Variants in TMEFF1 observed in about 807,000 individuals in gnomAD.
TMEFF1 encodes the protein transmembrane protein with EGF like and two follistatin like domains 1.
A neutral mutation model predicts 47.5 loss-of-function variants in TMEFF1; 20 were observed. That is an observed-to-expected ratio of 0.42 (90% CI 0.30 to 0.61). The LOEUF (loss-of-function observed/expected upper bound fraction) is 0.61, where lower values mean the gene tolerates loss of function less well. Among genes scored for constraint, TMEFF1 ranks in the 20% least tolerant of loss-of-function variants. The pLI, the probability that TMEFF1 is intolerant of heterozygous loss-of-function variation, is 0.19. For synonymous variants in TMEFF1, 162 were observed against 166.3 expected (o/e 0.97, Z 0.20); for missense variants, 411 against 471.1 (o/e 0.87, Z 1.18).
intron 1 of TMEFF1, among the ~76,000 whole-genome samples, chr9:100,488,472 G>T (rs1837490594): frequency 6.6e-6 from 1 of 152,132 alleles, no homozygotes; most frequent in African/African-American, 2.4e-5. Flanking sequence ...AATTAAAATG[G>T]CAATGCATAT....
chr9:100,485,471 C>T (rs1837430975), intron 1 of TMEFF1, among the ~76,000 whole-genome samples: 1 of 152,328 alleles, frequency 6.6e-6, no homozygotes. Context: ...ACATTTTCAT[C>T]AGCTATGTGT....
At chr9:100,559,970 A>G (rs980416775) in intron 7 of TMEFF1, among the ~76,000 whole-genome samples, 1 of 152,036 alleles carries the variant, frequency 6.6e-6, no homozygotes, top group African/African-American at 2.4e-5. Flanking sequence ...GTCTATATGT[A>G]AATTTTGATC....
intron 1 of TMEFF1, among the ~76,000 whole-genome samples, chr9:100,495,697 A>G (rs1837638744): frequency 6.6e-6 from 1 of 152,148 alleles, no homozygotes; most frequent in African/African-American, 2.4e-5. Context: ...CAAGATATGC[A>G]TAAAATAAAA....
chr9:100,474,849 A>C (rs780093527), intron 1 of TMEFF1, among the ~76,000 whole-genome samples: 1 of 152,134 alleles, frequency 6.6e-6, no homozygotes, highest in Non-Finnish European at 1.5e-5. Flanking sequence ...AGTGGATAAC[A>C]CTGGGGAGGA....
chr9:100,522,350 C>T (rs1343984018), intron 5 of TMEFF1, among the ~76,000 whole-genome samples: 1 of 144,470 alleles, frequency 6.9e-6, no homozygotes, highest in Admixed American at 7.0e-5. Context: ...TTTTAAAACA[C>T]AAACATTATT....
intron 1 of TMEFF1, among the ~76,000 whole-genome samples, chr9:100,497,596 C>T (rs904506301): frequency 6.6e-6 from 1 of 151,950 alleles, no homozygotes; most frequent in Admixed American, 6.6e-5. Context: ...ACCCAAGACA[C>T]CACTGCAGAG....
At chr9:100,530,956 C>T (rs955244425) in intron 5 of TMEFF1, among the ~76,000 whole-genome samples, 202 of 151,924 alleles carry the variant, frequency 1.3e-3, no homozygotes, top group Middle Eastern at 3.4e-3. Flanking sequence ...AAATGTAATC[C>T]AGCATATAAA....
intron 2 of TMEFF1, among the ~76,000 whole-genome samples, chr9:100,507,228 T>C (rs1837880879): frequency 6.6e-6 from 1 of 152,230 alleles, no homozygotes; most frequent in Non-Finnish European, 1.5e-5. Context: ...CCTTGGTGTA[T>C]ATATACCACA....
intron 5 of TMEFF1, among the ~76,000 whole-genome samples, chr9:100,533,042 A>G (rs1838424605): frequency 7.2e-6 from 1 of 139,534 alleles, no homozygotes; most frequent in South Asian, 2.2e-4. Flanking sequence ...GAACAATGAG[A>G]TCACATGGAC....
chr9:100,549,165 T>C (rs547318436), intron 6 of TMEFF1, among the ~76,000 whole-genome samples: 3 of 152,204 alleles, frequency 2.0e-5, no homozygotes, highest in Non-Finnish European at 4.4e-5. Context: ...CCACAGGCTA[T>C]ACAGGAAGCA....
intron 8 of TMEFF1, among the ~76,000 whole-genome samples, chr9:100,561,885 C>G (rs1289656094): frequency 2.0e-5 from 3 of 151,926 alleles, no homozygotes; most frequent in Non-Finnish European, 4.4e-5. Flanking sequence ...AAAATATGTG[C>G]TAAAATAGAT....
At chr9:100,575,130 AT>A (rs1238089789) in intron 9 of TMEFF1, among the ~76,000 whole-genome samples, 1 of 152,012 alleles carries the variant, frequency 6.6e-6, no homozygotes, top group Non-Finnish European at 1.5e-5. Context: ...ACTTGGATTT[AT>A]TTCCATTGAG....
intron 2 of TMEFF1, among the ~76,000 whole-genome samples, chr9:100,507,329 A>C (rs765851710): frequency 6.6e-6 from 1 of 152,054 alleles, no homozygotes; most frequent in Non-Finnish European, 1.5e-5. Flanking sequence ...ATATGGGTGC[A>C]TGTGTCTTTT....
intron 8 of TMEFF1, among the ~76,000 whole-genome samples, chr9:100,568,148 CA>C (rs1176333746): frequency 2.0e-5 from 3 of 152,080 alleles, no homozygotes; most frequent in African/African-American, 7.2e-5. Flanking sequence ...ATAGTATAAC[CA>C]AAAGTCAGTT....
chr9:100,570,574 C>T (rs1056107179), intron 8 of TMEFF1, among the ~76,000 whole-genome samples: 2 of 151,996 alleles, frequency 1.3e-5, no homozygotes, highest in African/African-American at 4.8e-5. Flanking sequence ...CTTGTCAAAA[C>T]CAATTGACCA....
intron 8 of TMEFF1, 58 bp downstream of exon 8, chr9:100,561,578 C>T (rs2118548244): frequency 6.5e-7 from 1 of 1,536,746 alleles, no homozygotes; most frequent in Non-Finnish European, 8.7e-7. Flanking sequence ...GGTTGTTGCT[C>T]TATAGAAGGG....
chr9:100,511,900 G>C (rs1202877331), intron 3 of TMEFF1, among the ~76,000 whole-genome samples: 1 of 152,094 alleles, frequency 6.6e-6, no homozygotes, highest in Non-Finnish European at 1.5e-5. Flanking sequence ...ATTCTACCTT[G>C]TTATCAGAGT....
chr9:100,484,910 C>T (rs1837420665), intron 1 of TMEFF1, among the ~76,000 whole-genome samples: 1 of 152,082 alleles, frequency 6.6e-6, no homozygotes, highest in African/African-American at 2.4e-5. Context: ...CTCCTGACCT[C>T]AAGTGATCTG....
At chr9:100,476,758 G>T (rs1837237843) in intron 1 of TMEFF1, among the ~76,000 whole-genome samples, 1 of 150,056 alleles carries the variant, frequency 6.7e-6, no homozygotes, top group Admixed American at 6.6e-5. Context: ...GTGCAGTGGG[G>T]TGATCTCTGC....
Sources: gnomAD v4.1 joint callset for allele counts (sites outside exome capture counted in the v4.1 genomes callset) on GRCh38, gnomAD v4.1.1 for gene constraint, MANE v1.5 for transcripts, NCBI Gene and HGNC (gene_info 2026-07-23, HGNC 2026-07-21) for gene names.